MCMBP: variants seen among roughly 807,000 people sequenced by gnomAD.
The protein encoded by MCMBP is minichromosome maintenance complex binding protein, also known as mini-chromosome maintenance complex-binding protein.
MCMBP carries 31 observed loss-of-function variants against 81.3 expected under a neutral mutation model. The ratio of observed to expected loss-of-function variants is 0.38; its 90% confidence interval spans 0.29 to 0.51. The LOEUF (loss-of-function observed/expected upper bound fraction) is 0.51. Ranked by LOEUF, MCMBP falls within the 20% of genes least tolerant of loss-of-function variation. MCMBP has a pLI of 0.87. For missense variants in MCMBP, 645 were observed against 772.1 expected (o/e 0.84, Z 1.95); for synonymous variants, 267 against 275.9 (o/e 0.97, Z 0.32).
rs1564892039 is a variant in MCMBP at position 119,872,681 on chromosome 10, G to GCCGCTCCTCGC, written c.-108_-98dup. ...CGCCCAGCTCCTCTTCAGCGGCTCG[G>GCCGCTCCTCGC]CCGCTCCTCGCCCGCGTTCGCTCGC... On this transcript the variant is annotated 5_prime_UTR_variant, in exon 1 of 16. Transcript: ENST00000369077. The GCCGCTCCTCGC allele has an allele frequency of 1.8e-6, 1 of 541,082 alleles. No homozygotes were observed. The highest frequency in any genetic ancestry group is 7.1e-5 in the East Asian group (1 of 14,030). 33.5% of individuals were successfully genotyped at this position (541,082 alleles called of 1,614,324 possible). A position where few individuals can be genotyped will look rare whatever the true frequency, so the allele number is the denominator to read the frequency against.
chr10:119,854,334 G>A (rs1303086207), intron 5 of MCMBP, among the ~76,000 whole-genome samples: 1 of 151,528 alleles, frequency 6.6e-6, no homozygotes, highest in Non-Finnish European at 1.5e-5. Flanking sequence ...GAGCCACTGT[G>A]CCTGGTCTGT....
intron 8 of MCMBP, among the ~76,000 whole-genome samples, chr10:119,845,740 G>C (rs1460463446): frequency 6.6e-6 from 1 of 152,184 alleles, no homozygotes; most frequent in Non-Finnish European, 1.5e-5. Context: ...GAAATGTATT[G>C]AACTCTAATT....
At chr10:119,863,739 A>C (rs1853347975) in intron 1 of MCMBP, among the ~76,000 whole-genome samples, 2 of 39,876 alleles carry the variant, frequency 5.0e-5, no homozygotes, top group Non-Finnish European at 1.0e-4. Flanking sequence ...AAAAAAAAAA[A>C]AAAAAAAAAA....
Position 119,849,487 on chromosome 10 carries a change from A to T in MCMBP, c.664T>A (p.Ser222Thr). 6.2e-7 allele frequency: 1 copy of T among 1,612,170 alleles called. No homozygotes were observed. The highest frequency in any genetic ancestry group is 8.5e-7 in the Non-Finnish European group (1 of 1,179,432). The part of the protein sequence containing the change: ...TGQQLNSLNL[S>T]SPFDLNFPLP... ...GGAAAATTCAAATCAAAAGGAGAAG[A>T]CAAGTTCAGAGAGTTCAGCTGTTGC... Residue 222 changes from serine to threonine, a missense_variant, in exon 7 of 16, where the codon TCT becomes ACT. Coordinates refer to ENST00000369077, the MANE Select transcript of MCMBP (RefSeq NM_001256378.2).
chr10:119,850,101 A>C (rs1852754993), intron 6 of MCMBP, among the ~76,000 whole-genome samples: 1 of 152,232 alleles, frequency 6.6e-6, no homozygotes, highest in Admixed American at 6.5e-5. Flanking sequence ...GTTACACTTT[A>C]GGGCTGATAA....
Position 119,872,581 on chromosome 10 carries a change from G to A in MCMBP, c.4C>T (p.Pro2Ser), listed in dbSNP as rs1268478724. Residue 2 changes from proline to serine, a missense_variant, in exon 1 of 16, where the codon CCG becomes TCG. Physicochemically the swap from Pro to Ser is moderately conservative, Grantham distance 74. Coordinates refer to ENST00000369077, the MANE Select transcript of MCMBP (RefSeq NM_001256378.2). ...TGGCTGAGCCAATCCTCCCCACACG[G>A]CATCTCGCCAGGGGCCGGGGCCGGC... M[P>S]CGEDWLSHPL... 8.5e-7 allele frequency: 1 copy of A among 1,176,060 alleles called. No individual in the cohort carries two copies. The highest frequency in any genetic ancestry group is 1.1e-6 in the Non-Finnish European group (1 of 944,814). The allele number at this position is 1,176,060 out of a possible 1,614,324, so 72.9% of individuals were successfully genotyped here.
rs1296708458 is a variant in MCMBP, at chr10:119,843,362, T to C, written c.892A>G (p.Ser298Gly). ...CTCGGCACTAATGAAGCAGGAGGAC[T>C]GTGTACTCTCTGCTCCTCTGCTGTG... is the stretch of plus-strand genomic sequence containing the variant. ...TDTAEEQRVH[S>G]PPASLVPRIH... The change falls in exon 9 of 16, where the codon AGT becomes GGT. Residue 298 changes from serine to glycine, a missense_variant. Coordinates refer to ENST00000369077, the MANE Select transcript of MCMBP (RefSeq NM_001256378.2). The C allele has an allele frequency of 2.5e-6, 4 of 1,614,104 alleles. No individual in the cohort carries two copies. Among genetic ancestry groups the C allele is most frequent in the African/African-American group, 2.7e-5 (2 of 75,050 alleles).
At chr10:119,836,718 GT>G (rs1269304004) in intron 13 of MCMBP, among the ~76,000 whole-genome samples, 177 bp downstream of exon 13, 5 of 142,814 alleles carry the variant, frequency 3.5e-5, no homozygotes, top group African/African-American at 1.3e-4. Context: ...ATCCATGGCA[GT>G]GCAAAATACT....
intron 1 of MCMBP, among the ~76,000 whole-genome samples, chr10:119,871,742 T>G (rs150381569): frequency 4.6e-5 from 7 of 152,310 alleles, no homozygotes; most frequent in African/African-American, 1.7e-4. Flanking sequence ...CGCCACTCAT[T>G]ACGTGTAAAA....
At chr10:119,864,007 A>T (rs1163907840) in intron 1 of MCMBP, among the ~76,000 whole-genome samples, 1 of 114,946 alleles carries the variant, frequency 8.7e-6, no homozygotes, top group Non-Finnish European at 1.9e-5. Context: ...AGTTGAACTT[A>T]AAAAAAAAAA....
At position 119,857,325 on chromosome 10, in the gene MCMBP, A is replaced by G. The variant is rs1413253100; in HGVS notation, c.429+13T>C. Reference sequence around the variant, plus strand: ...AACCATCAACACAGTAAGAAAGTTCAGATAAAGGATATTTCTTTTACCCAC... The same window carrying G: ...AACCATCAACACAGTAAGAAAGTTCGGATAAAGGATATTTCTTTTACCCAC... On this transcript the variant is annotated intron_variant, in intron 5 of 15. Transcript: ENST00000369077. The G allele has an allele frequency of 7.0e-6, 11 of 1,568,416 alleles. No homozygotes were observed. Among genetic ancestry groups the G allele is most frequent in the Non-Finnish European group, 9.6e-6 (11 of 1,144,420 alleles).
intron 4 of MCMBP, 140 bp downstream of exon 4, chr10:119,858,743 TA>T: frequency 1.4e-6 from 1 of 716,136 alleles, no homozygotes; most frequent in Non-Finnish European, 2.2e-6. Context: ...AACTCCTAAA[TA>T]AAACCAAATA....
Position 119,829,862 on chromosome 10 carries a change from G to GT in MCMBP, c.*1611dup, listed in dbSNP as rs1180680096. 2.0e-5 allele frequency: 3 copies of GT among 152,236 alleles called. No homozygotes were observed. The highest frequency in any genetic ancestry group is 2.9e-5 in the Non-Finnish European group (2 of 68,024). The allele number at this position is 152,236 out of a possible 1,614,324, so 9.4% of individuals were successfully genotyped here. A position where few individuals can be genotyped will look rare whatever the true frequency, so the allele number is the denominator to read the frequency against. ...GAACTTTTCTGCAAGACCAAGCAATGTATGTATTTTTCTTTGGTAAATTAC... is the reference window on the plus strand; with the variant it reads ...GAACTTTTCTGCAAGACCAAGCAATGTTATGTATTTTTCTTTGGTAAATTAC... On this transcript the variant is annotated 3_prime_UTR_variant, in exon 16 of 16. Coordinates refer to ENST00000369077, the MANE Select transcript of MCMBP (RefSeq NM_001256378.2).
chr10:119,847,654 C>T lies in MCMBP; in HGVS notation c.786G>A (p.Leu262=). 6.2e-7 allele frequency: 1 copy of T among 1,612,182 alleles called. No homozygotes were observed. Among genetic ancestry groups the T allele is most frequent in the Non-Finnish European group, 8.5e-7 (1 of 1,179,078 alleles). ...GTATACTCAGCACAGGATCCACAGA[C>T]AGTATGCCATATAGCTCAAGAATGT... ...VNDILELYGI[L]SVDPVLSILN... is the part of the protein sequence containing the mutation. Residue 262 remains leucine (L), a synonymous_variant, in exon 8 of 16, where the codon CTG becomes CTA. Coordinates refer to ENST00000369077, the MANE Select transcript of MCMBP (RefSeq NM_001256378.2).
chr10:119,842,852 C>A (rs951431563), intron 9 of MCMBP: 6 of 388,608 alleles, frequency 1.5e-5, no homozygotes, highest in African/African-American at 1.0e-4. Flanking sequence ...GCAACCTCTG[C>A]CTCCAGTTCT....
intron 10 of MCMBP, 46 bp downstream of exon 10, chr10:119,842,426 C>G (rs1298823460): frequency 6.3e-7 from 1 of 1,577,108 alleles, no homozygotes; most frequent in South Asian, 1.2e-5. Context: ...CTTCCACTTC[C>G]ACACACACCA....
intron 8 of MCMBP, among the ~76,000 whole-genome samples, chr10:119,843,669 T>C: frequency 6.6e-6 from 1 of 152,158 alleles, no homozygotes; most frequent in East Asian, 1.9e-4. Flanking sequence ...TTTTTATTTT[T>C]ATTTTTTTTT....
chr10:119,858,990 A>G (rs1445909287), intron 3 of MCMBP, 51 bp downstream of exon 3: 2 of 1,610,980 alleles, frequency 1.2e-6, no homozygotes, highest in Non-Finnish European at 1.7e-6. Flanking sequence ...TACCACCAAC[A>G]GTAAAAGGAC....
chr10:119,853,326 C>T, intron 5 of MCMBP, 132 bp from the exon 6 acceptor site: 1 of 874,100 alleles, frequency 1.1e-6, no homozygotes, highest in Non-Finnish European at 1.7e-6. Flanking sequence ...TAAAAGGAGG[C>T]TAGACTTCCA....
Sources: gnomAD v4.1 joint callset for allele counts (sites outside exome capture counted in the v4.1 genomes callset) on GRCh38, gnomAD v4.1.1 for gene constraint, MANE v1.5 for transcripts, NCBI Gene and HGNC (gene_info 2026-07-23, HGNC 2026-07-21) for gene names.